The following CPQ variants were observed in gnomAD, a reference collection of about 807,000 sequenced individuals.
CPQ encodes Ser-Met dipeptidase.
CPQ carries 37 observed loss-of-function variants against 45.7 expected under a neutral mutation model. That is an observed-to-expected ratio of 0.81 (90% CI 0.62 to 1.07). CPQ has a LOEUF of 1.07. Among genes scored for constraint, CPQ ranks in the 50% least tolerant of loss-of-function variants. The pLI, the probability that CPQ is intolerant of heterozygous loss-of-function variation, is 0.00. For synonymous variants in CPQ, 186 were observed against 205.8 expected (o/e 0.90, Z 0.82); for missense variants, 537 against 572.9 (o/e 0.94, Z 0.64).
intron 5 of CPQ, among the ~76,000 whole-genome samples, chr8:97,015,730 A>G (rs536597754): frequency 1.6e-4 from 24 of 152,210 alleles, no homozygotes; most frequent in African/African-American, 5.8e-4. Flanking sequence ...ACTCAGTTCT[A>G]TATTTCTATT....
At chr8:96,990,746 A>C (rs151072710) in intron 5 of CPQ, among the ~76,000 whole-genome samples, 7 of 152,256 alleles carry the variant, frequency 4.6e-5, no homozygotes, top group Non-Finnish European at 7.4e-5. Context: ...CTTCCCCTTT[A>C]GGAGGGATGG....
chr8:96,980,410 G>A (rs1813872793), intron 5 of CPQ, among the ~76,000 whole-genome samples: 1 of 152,136 alleles, frequency 6.6e-6, no homozygotes, highest in African/African-American at 2.4e-5. Flanking sequence ...TGGGATTACA[G>A]GCATTAGCCA....
intron 2 of CPQ, among the ~76,000 whole-genome samples, chr8:96,807,720 T>C (rs116644601): frequency 0.021 from 3,142 of 152,286 alleles, 121 homozygotes; most frequent in African/African-American, 0.072. Flanking sequence ...TTTTGCTTCA[T>C]GAAGGTAAGT....
intron 5 of CPQ, among the ~76,000 whole-genome samples, chr8:96,985,592 T>G (rs1340889255): frequency 6.6e-6 from 1 of 152,168 alleles, no homozygotes; most frequent in African/African-American, 2.4e-5. Flanking sequence ...CCTGACTGTG[T>G]CACCCATTGG....
At chr8:96,788,408 C>T (rs747349096) in intron 2 of CPQ, among the ~76,000 whole-genome samples, 1 of 152,128 alleles carries the variant, frequency 6.6e-6, no homozygotes, top group Non-Finnish European at 1.5e-5. Context: ...GATCCACCTG[C>T]CTAGGCTTCC....
intron 1 of CPQ, among the ~76,000 whole-genome samples, chr8:96,747,090 A>G (rs1439044442): frequency 6.6e-6 from 1 of 152,116 alleles, no homozygotes; most frequent in African/African-American, 2.4e-5. Flanking sequence ...TGGGAGTTCG[A>G]GACCAGCCTG....
intron 2 of CPQ, among the ~76,000 whole-genome samples, chr8:96,789,227 A>G (rs1379741700): frequency 1.3e-5 from 2 of 152,056 alleles, no homozygotes; most frequent in Non-Finnish European, 2.9e-5. Flanking sequence ...TAGTTTTAAA[A>G]ACAGAAAACC....
At chr8:97,015,788 G>T (rs1809569011) in intron 5 of CPQ, among the ~76,000 whole-genome samples, 1 of 152,034 alleles carries the variant, frequency 6.6e-6, no homozygotes, top group Non-Finnish European at 1.5e-5. Flanking sequence ...CCAATAATAA[G>T]GGAGTAGCTA....
intron 3 of CPQ, among the ~76,000 whole-genome samples, chr8:96,842,612 T>A (rs950325217): frequency 1.3e-5 from 2 of 152,224 alleles, no homozygotes; most frequent in African/African-American, 2.4e-5. Flanking sequence ...CCTTTCTGAT[T>A]TTTGGAAGGT....
At chr8:97,013,489 A>G (rs917271306) in intron 5 of CPQ, among the ~76,000 whole-genome samples, 3 of 152,224 alleles carry the variant, frequency 2.0e-5, no homozygotes, top group Non-Finnish European at 4.4e-5. Context: ...TACATTAATC[A>G]TAATTAACTG....
chr8:97,142,694 T>A (rs563400375), intron 7 of CPQ, among the ~76,000 whole-genome samples: 6 of 152,354 alleles, frequency 3.9e-5, no homozygotes, highest in African/African-American at 1.4e-4. Context: ...CTACTTCCAC[T>A]CTGCCATTTT....
At chr8:97,051,291 G>T (rs1050964341) in intron 6 of CPQ, among the ~76,000 whole-genome samples, 6 of 151,958 alleles carry the variant, frequency 3.9e-5, no homozygotes, top group African/African-American at 1.5e-4. Flanking sequence ...GTATTACAAG[G>T]ATATGAATTT....
rs183429374 is a variant in CPQ at position 96,785,829 on chromosome 8, C to T, written c.433+499C>T. 2.3e-3 allele frequency among the ~76,000 whole-genome samples: 351 copies of T among 152,254 alleles called. 4 individuals are homozygous for T. Among genetic ancestry groups the T allele is most frequent in the African/African-American group, 8.3e-3 (343 of 41,556 alleles). On this transcript the variant is annotated intron_variant, in intron 2 of 7. Transcript: ENST00000220763. The stretch of plus-strand genomic sequence containing the variant: ...ACCTTTACTTATAAGCACCCTGGAT[C>T]AGCTTTATCAGATAATATACAGTAA...
intron 5 of CPQ, among the ~76,000 whole-genome samples, chr8:96,997,892 T>G (rs1263284293): frequency 6.6e-6 from 1 of 152,022 alleles, no homozygotes; most frequent in Non-Finnish European, 1.5e-5. Flanking sequence ...GCATCCGAAT[T>G]TGTAAAGTGA....
intron 7 of CPQ, among the ~76,000 whole-genome samples, chr8:97,123,194 T>TAA (rs1410965277): frequency 1.1e-4 from 7 of 65,390 alleles, no homozygotes; most frequent in Admixed American, 1.4e-4. Context: ...TAAAATAAAA[T>TAA]AAAATAAAAT....
At chr8:97,001,504 T>G (rs1809279310) in intron 5 of CPQ, among the ~76,000 whole-genome samples, 1 of 152,160 alleles carries the variant, frequency 6.6e-6, no homozygotes, top group Non-Finnish European at 1.5e-5. Context: ...GAGATTATCA[T>G]GCGGTTTTTG....
intron 4 of CPQ, among the ~76,000 whole-genome samples, chr8:96,964,173 TACAC>T (rs71267285): frequency 0.54 from 71,518 of 132,892 alleles, 19,979 homozygotes; most frequent in East Asian, 0.62. Context: ...GGTTAAAGTA[TACAC>T]ACACACACAC....
intron 6 of CPQ, among the ~76,000 whole-genome samples, chr8:97,064,063 C>A (rs533136590): frequency 2.0e-4 from 31 of 152,228 alleles, no homozygotes; most frequent in African/African-American, 7.2e-4. Context: ...GCAGTATGAC[C>A]ATTTTAATGA....
chr8:96,785,323 T>G lies in CPQ; in HGVS notation c.426T>G (p.Pro142=). 1.9e-6 allele frequency: 3 copies of G among 1,591,320 alleles called. No homozygotes were observed. Among genetic ancestry groups the G allele is most frequent in the Non-Finnish European group, 2.6e-6 (3 of 1,168,186 alleles). Residue 142 remains proline (P), a synonymous_variant, in exon 2 of 8, where the codon CCT becomes CCG. Coordinates refer to ENST00000220763, the MANE Select transcript of CPQ (RefSeq NM_016134.4). ...ILGLGSSIGT[P]PEGITAEVLV... ...GTCTTGGCAGCAGCATTGGGACTCC[T>G]CCAGAAGGTATTGTTTGTCTTTTCA...
Sources: allele counts gnomAD v4.1 joint callset (sites outside exome capture counted in the v4.1 genomes callset), GRCh38; gene constraint gnomAD v4.1.1; transcripts MANE v1.5; gene names NCBI Gene and HGNC (gene_info 2026-07-23, HGNC 2026-07-21).